The following NXN variants were observed in gnomAD, a reference collection of about 807,000 sequenced individuals.
NXN encodes the protein nucleoredoxin.
NXN carries 16 observed loss-of-function variants against 48.6 expected under a neutral mutation model. The ratio of observed to expected loss-of-function variants is 0.33; its 90% CI spans 0.22 to 0.50. The LOEUF (loss-of-function observed/expected upper bound fraction) is 0.50, where lower values mean the gene tolerates loss of function less well. Ranked by LOEUF, NXN falls within the 20% of genes least tolerant of loss-of-function variation. The pLI is 0.98. For missense variants in NXN, 492 were observed against 605.5 expected (o/e 0.81, Z 1.97); for synonymous variants, 281 against 269.6 (o/e 1.04, Z -0.41).
intron 1 of NXN, chr17:959,420 G>A: frequency 5.0e-6 from 1 of 200,658 alleles, no homozygotes; most frequent in Non-Finnish European, 1.0e-5. Context: ...ACTGGCCTGA[G>A]GACTCCAGAC....
chr17:938,921 G>A (rs1052576434), intron 1 of NXN, among the ~76,000 whole-genome samples: 3 of 151,748 alleles, frequency 2.0e-5, no homozygotes, highest in East Asian at 1.9e-4. Context: ...GTGTGGTGGC[G>A]GGCTCCTGTA....
At chr17:937,762 A>C (rs560654271) in intron 1 of NXN, among the ~76,000 whole-genome samples, 79 of 152,244 alleles carry the variant, frequency 5.2e-4, no homozygotes, top group Non-Finnish European at 9.7e-4. Context: ...CGGGAACCAC[A>C]TGAAAAGCAG....
At chr17:942,233 T>C (rs71357138) in intron 1 of NXN, among the ~76,000 whole-genome samples, 234 of 130,718 alleles carry the variant, frequency 1.8e-3, no homozygotes, top group Non-Finnish European at 2.3e-3. Context: ...GATTCCAGGG[T>C]GCAGCCATGA....
At chr17:834,259 C>A in intron 1 of NXN, among the ~76,000 whole-genome samples, 1 of 152,156 alleles carries the variant, frequency 6.6e-6, no homozygotes, top group East Asian at 1.9e-4. Flanking sequence ...GAGGTCAAGG[C>A]TACGATGAGC....
At chr17:824,930 G>A (rs1456066568) in intron 2 of NXN, among the ~76,000 whole-genome samples, 4 of 151,930 alleles carry the variant, frequency 2.6e-5, no homozygotes, top group African/African-American at 9.7e-5. Flanking sequence ...TGGAGGTCGG[G>A]CTCGGGATCC....
chr17:814,408 G>C (rs1912353732), intron 5 of NXN, among the ~76,000 whole-genome samples: 1 of 152,206 alleles, frequency 6.6e-6, no homozygotes, highest in Non-Finnish European at 1.5e-5. Flanking sequence ...CAGAGAGGAA[G>C]ATTCTGCTCC....
intron 5 of NXN, among the ~76,000 whole-genome samples, chr17:810,661 A>G (rs1370981022): frequency 6.6e-6 from 1 of 152,182 alleles, no homozygotes; most frequent in African/African-American, 2.4e-5. Context: ...AGCCTGAGGC[A>G]GGTGGATCCC....
chr17:900,280 GAA>G lies in NXN; in HGVS notation c.361-74204_361-74203del, dbSNP rs35633720. Among the ~76,000 whole-genome samples the G allele has an allele frequency of 2.3e-4, 35 of 151,474 alleles. 1 individual carries two copies. Among genetic ancestry groups the G allele is most frequent in the East Asian group, 1.9e-4 (1 of 5,146 alleles). Reference sequence around the variant, plus strand: ...AAACTCCGTCTCAAAACAAAAAAAGGAAAAAAAAACACAAACTTTCTGAAGAT... The same window carrying G: ...AAACTCCGTCTCAAAACAAAAAAAGGAAAAAAACACAAACTTTCTGAAGAT... On this transcript the variant is annotated intron_variant, in intron 1 of 7. Transcript: ENST00000336868.
intron 1 of NXN, among the ~76,000 whole-genome samples, chr17:934,320 C>T (rs193234176): frequency 4.5e-4 from 68 of 151,962 alleles, no homozygotes; most frequent in Admixed American, 1.1e-3. Context: ...GTGGCGGGCA[C>T]CTGTAGTCCC....
rs571601948 is a variant in NXN, at chr17:853,702, C to CATATATATATAT, written c.361-27636_361-27625dup. On this transcript the variant is annotated intron_variant, in intron 1 of 7. Coordinates refer to ENST00000336868, the MANE Select transcript of NXN (RefSeq NM_022463.5). ...TACTTCTCACTATTTCTGTTATACA[C>CATATATATATAT]ATATATATATATATATATATATTTT... is the stretch of plus-strand genomic sequence containing the variant. 8.4e-4 allele frequency among the ~76,000 whole-genome samples: 100 copies of CATATATATATAT among 119,288 alleles called. 4 individuals are homozygous for CATATATATATAT. The highest frequency in any genetic ancestry group is 6.1e-4 in the Admixed American group (7 of 11,560). The allele number at this position is 119,288 out of a possible 152,430, so 78.3% of individuals were successfully genotyped here. A position where few individuals can be genotyped will look rare whatever the true frequency, so the allele number is the denominator to read the frequency against.
intron 1 of NXN, among the ~76,000 whole-genome samples, chr17:954,981 T>C (rs1321457994): frequency 6.6e-6 from 1 of 152,122 alleles, no homozygotes; most frequent in African/African-American, 2.4e-5. Flanking sequence ...GCTTTCCACA[T>C]AGGAGGTCTG....
At chr17:859,010 A>G (rs893126105) in intron 1 of NXN, among the ~76,000 whole-genome samples, 1 of 152,200 alleles carries the variant, frequency 6.6e-6, no homozygotes, top group Non-Finnish European at 1.5e-5. Flanking sequence ...CCCATCCACC[A>G]AGGAGGAACT....
In NXN at chr17:956,781, C is replaced by T. The variant is rs1032488361; in HGVS notation, c.360+22538G>A. On this transcript the variant is annotated intron_variant, in intron 1 of 7. Coordinates refer to ENST00000336868, the MANE Select transcript of NXN (RefSeq NM_022463.5). The surrounding 1 kb of genome is among the most constrained non-coding windows in gnomAD (Gnocchi z 4.1). ...AACCTGACAAGGTGGACGCTGCTAT[C>T]GTTCCCACTTTACAGATGAGGAAGT... 1.1e-4 allele frequency among the ~76,000 whole-genome samples: 16 copies of T among 152,142 alleles called. No individual in the cohort carries two copies. Among genetic ancestry groups the T allele is most frequent in the African/African-American group, 2.7e-4 (11 of 41,446 alleles).
intron 1 of NXN, among the ~76,000 whole-genome samples, chr17:967,623 AG>A (rs1364001944): frequency 6.6e-6 from 1 of 152,220 alleles, no homozygotes; most frequent in Non-Finnish European, 1.5e-5. Flanking sequence ...AAGGAAAAGC[AG>A]GGAAGGGAAA....
chr17:841,063 A>C (rs1224538256), intron 1 of NXN, among the ~76,000 whole-genome samples: 1 of 152,126 alleles, frequency 6.6e-6, no homozygotes, highest in Non-Finnish European at 1.5e-5. Context: ...TAAATGACTT[A>C]GTCTCCCCAC....
chr17:868,554 C>T (rs940636681), intron 1 of NXN, among the ~76,000 whole-genome samples: 2 of 151,952 alleles, frequency 1.3e-5, no homozygotes, highest in African/African-American at 2.4e-5. Context: ...TGCAGTGATG[C>T]GATCTCTGCT....
At chr17:844,867 G>A (rs1235149932) in intron 1 of NXN, among the ~76,000 whole-genome samples, 1 of 152,138 alleles carries the variant, frequency 6.6e-6, no homozygotes, top group Non-Finnish European at 1.5e-5. Context: ...ACAGGCATGA[G>A]CCACTGCACC....
At chr17:922,524 C>A (rs918609967) in intron 1 of NXN, among the ~76,000 whole-genome samples, 7 of 152,142 alleles carry the variant, frequency 4.6e-5, no homozygotes, top group Admixed American at 2.0e-4. Context: ...AGCGTACATT[C>A]CAAAATCAAG....
At position 978,055 on chromosome 17, in the gene NXN, GTCACAGTGTAAGCCTTTTGC is replaced by G. The variant is rs1232092055; in HGVS notation, c.360+1244_360+1263del. 2.0e-5 allele frequency among the ~76,000 whole-genome samples: 3 copies of G among 152,246 alleles called. No individual in the cohort carries two copies. In the East Asian group the frequency reaches 5.8e-4, roughly 29 times the overall value. On this transcript the variant is annotated intron_variant, in intron 1 of 7. Transcript: ENST00000336868. This position sits in a 1 kb window ranked among gnomAD's most constrained non-coding sequence, Gnocchi z 4.1. ...GGATGATTTACTCAAGACATTTGGGGTCACAGTGTAAGCCTTTTGCTCCCAGTAAATCTAAATCATGCTTC... is the reference window on the plus strand; with the variant it reads ...GGATGATTTACTCAAGACATTTGGGGTCCCAGTAAATCTAAATCATGCTTC...
Sources: allele counts gnomAD v4.1 joint callset (sites outside exome capture counted in the v4.1 genomes callset), GRCh38; gene constraint gnomAD v4.1.1; non-coding constraint Gnocchi (gnomAD v3.1); transcripts MANE v1.5; gene names NCBI Gene and HGNC (gene_info 2026-07-23, HGNC 2026-07-21).